The following RERG variants were observed in gnomAD, a reference collection of about 807,000 sequenced individuals.
RERG encodes ras-related and estrogen-regulated growth inhibitor.
In RERG, 25 loss-of-function variants were observed where a neutral mutation model predicts 23.2. That is an observed-to-expected ratio of 1.08 (90% CI 0.79 to 1.50). The LOEUF (loss-of-function observed/expected upper bound fraction) is 1.50. Ranked by LOEUF, RERG falls within the 40% of genes most tolerant of loss-of-function variation. The pLI, the probability that RERG is intolerant of heterozygous loss-of-function variation, is 0.00. For synonymous variants in RERG, 81 were observed against 89.1 expected, an observed-to-expected ratio of 0.91 and a Z score of 0.51; for missense variants, 253 against 250.1, an observed-to-expected ratio of 1.01 and a Z score of -0.08.
At chr12:15,174,205 C>T (rs1256116481) in intron 2 of RERG, among the ~76,000 whole-genome samples, 4 of 151,942 alleles carry the variant, frequency 2.6e-5, no homozygotes. Context: ...TCTTCTATTA[C>T]AGTCTTTTTC....
chr12:15,135,259 C>T (rs925992393), intron 2 of RERG, among the ~76,000 whole-genome samples: 3 of 152,126 alleles, frequency 2.0e-5, no homozygotes, highest in Admixed American at 2.0e-4. Context: ...AAGTGATTGA[C>T]CTGTATCCTG....
At chr12:15,166,472 T>TTGATGATGA (rs1201050014) in intron 2 of RERG, among the ~76,000 whole-genome samples, 2 of 150,844 alleles carry the variant, frequency 1.3e-5, no homozygotes, top group Non-Finnish European at 3.0e-5. Flanking sequence ...CTCATGATAA[T>TTGATGATGA]TGATGATGAT....
intron 1 of RERG, among the ~76,000 whole-genome samples, chr12:15,220,732 T>C (rs1865501313): frequency 6.6e-6 from 1 of 152,208 alleles, no homozygotes; most frequent in Admixed American, 6.5e-5. Context: ...AGTCTAGGCC[T>C]GGAAATGAGA....
At chr12:15,211,706 C>G (rs1440675622) in intron 2 of RERG, among the ~76,000 whole-genome samples, 1 of 152,146 alleles carries the variant, frequency 6.6e-6, no homozygotes, top group African/African-American at 2.4e-5. Flanking sequence ...AAAGAAATGA[C>G]ACTTGAGGGG....
Position 15,217,505 on chromosome 12 carries a change from A to G in RERG, c.-16T>C. Reference sequence around the variant, plus strand: ...TTTTAGCCATGATGGGTGTTGGTAGACAATTTACTGTTGTTAAAACTAAAG... The same window carrying G: ...TTTTAGCCATGATGGGTGTTGGTAGGCAATTTACTGTTGTTAAAACTAAAG... On this transcript the variant is annotated 5_prime_UTR_variant, in exon 2 of 5. Coordinates refer to ENST00000256953, the MANE Select transcript of RERG (RefSeq NM_032918.3). The G allele has an allele frequency of 5.6e-6, 9 of 1,595,474 alleles. No homozygotes were observed. The highest frequency in any genetic ancestry group is 6.9e-6 in the Non-Finnish European group (8 of 1,163,066).
At chr12:15,184,006 G>A (rs764351700) in intron 2 of RERG, among the ~76,000 whole-genome samples, 6 of 152,104 alleles carry the variant, frequency 3.9e-5, no homozygotes, top group Admixed American at 6.5e-5. Flanking sequence ...CGTGTGATGC[G>A]AATTTATGGA....
chr12:15,161,829 T>C (rs1431176388), intron 2 of RERG, among the ~76,000 whole-genome samples: 2 of 152,204 alleles, frequency 1.3e-5, no homozygotes, highest in African/African-American at 4.8e-5. Context: ...AGCACTGTTC[T>C]AAGTATTTTG....
intron 2 of RERG, among the ~76,000 whole-genome samples, chr12:15,156,801 C>T (rs897012246): frequency 1.2e-4 from 19 of 152,130 alleles, no homozygotes; most frequent in Non-Finnish European, 2.6e-4. Flanking sequence ...TGAAGTCAGG[C>T]GCATTTTCGT....
intron 2 of RERG, among the ~76,000 whole-genome samples, chr12:15,200,888 G>A (rs1330389970): frequency 2.0e-5 from 3 of 151,908 alleles, no homozygotes; most frequent in African/African-American, 7.2e-5. Flanking sequence ...TATTTGACAC[G>A]CTTCGCATTT....
chr12:15,110,080 T>A (rs1254186462), intron 4 of RERG, among the ~76,000 whole-genome samples: 2 of 150,584 alleles, frequency 1.3e-5, no homozygotes, highest in African/African-American at 4.9e-5. Flanking sequence ...AGGATTTGGC[T>A]TTTTTTTTCT....
chr12:15,195,829 C>G (rs752919714), intron 2 of RERG, among the ~76,000 whole-genome samples: 12 of 152,074 alleles, frequency 7.9e-5, no homozygotes, highest in Non-Finnish European at 1.5e-4. Context: ...TCTCATCCTG[C>G]TCCCTATTAA....
At chr12:15,183,192 T>C (rs922103000) in intron 2 of RERG, among the ~76,000 whole-genome samples, 7 of 152,138 alleles carry the variant, frequency 4.6e-5, no homozygotes, top group Admixed American at 3.9e-4. Flanking sequence ...TAATGATAAA[T>C]CTTTGAAATG....
chr12:15,176,366 T>C (rs1864851424), intron 2 of RERG, among the ~76,000 whole-genome samples: 1 of 152,188 alleles, frequency 6.6e-6, no homozygotes, highest in South Asian at 2.1e-4. Flanking sequence ...CCTCGTGTTA[T>C]ATAGAGGGCT....
chr12:15,210,618 AC>A (rs1162557611), intron 2 of RERG, among the ~76,000 whole-genome samples: 2 of 152,034 alleles, frequency 1.3e-5, no homozygotes, highest in East Asian at 3.9e-4. Context: ...CCTCTTAAGC[AC>A]CATTTCTCTT....
intron 2 of RERG, among the ~76,000 whole-genome samples, chr12:15,140,898 T>C (rs1398340225): frequency 6.6e-6 from 1 of 152,162 alleles, no homozygotes; most frequent in Non-Finnish European, 1.5e-5. Context: ...TTTTTGGTAT[T>C]TACTCTACTT....
intron 2 of RERG, among the ~76,000 whole-genome samples, chr12:15,138,792 C>T (rs564059811): frequency 3.9e-5 from 6 of 151,932 alleles, no homozygotes; most frequent in Admixed American, 1.3e-4. Flanking sequence ...GTGTCTTTAA[C>T]GTAACAGAAG....
chr12:15,156,828 C>A (rs1045426030), intron 2 of RERG, among the ~76,000 whole-genome samples: 2 of 152,164 alleles, frequency 1.3e-5, no homozygotes, highest in African/African-American at 4.8e-5. Flanking sequence ...CTCAACCCTA[C>A]TACTCACATT....
At chr12:15,112,190 T>G (rs1365608037) in intron 3 of RERG, among the ~76,000 whole-genome samples, 2 of 152,178 alleles carry the variant, frequency 1.3e-5, no homozygotes, top group African/African-American at 4.8e-5. Context: ...CTTTCAAACC[T>G]CAGCTCTGGA....
intron 1 of RERG, among the ~76,000 whole-genome samples, chr12:15,218,207 C>T (rs1054509815): frequency 1.7e-4 from 26 of 152,104 alleles, no homozygotes; most frequent in Non-Finnish European, 2.5e-4. Flanking sequence ...ACACAATGCC[C>T]TGGTACAAAA....
Sources: gnomAD v4.1 joint callset for allele counts (sites outside exome capture counted in the v4.1 genomes callset) on GRCh38, gnomAD v4.1.1 for gene constraint, MANE v1.5 for transcripts, NCBI Gene and HGNC (gene_info 2026-07-23, HGNC 2026-07-21) for gene names.